TCAF1: variants seen among roughly 807,000 people sequenced by gnomAD.
TCAF1 encodes the protein TRPM8 channel associated factor 1, also known as TRPM8 channel-associated factor 1.
In TCAF1, 4 loss-of-function variants were observed where a neutral mutation model predicts 27.3. The observed-to-expected ratio is 0.15, with a 90% CI of 0.07 to 0.34. TCAF1 has a LOEUF of 0.34. TCAF1 is among the 10% of genes least tolerant of loss of function. TCAF1 has a pLI of 1.00. For missense variants in TCAF1, 257 were observed against 425.8 expected, an observed-to-expected ratio of 0.60 and a Z score of 3.49; for synonymous variants, 105 against 167.1, an observed-to-expected ratio of 0.63 and a Z score of 2.87.
chr7:143,883,275 G>A (rs944246823), intron 1 of TCAF1, among the ~76,000 whole-genome samples: 1 of 151,972 alleles, frequency 6.6e-6, no homozygotes, highest in African/African-American at 2.4e-5. Flanking sequence ...AACAAACCCC[G>A]TATATATTTG....
chr7:143,860,011 TAA>T lies in TCAF1; in HGVS notation c.2167+195_2167+196del, dbSNP rs1168537740. Among the ~76,000 whole-genome samples, 104 of 20,424 alleles carry T rather than the reference TAA, an allele frequency of 5.1e-3. 7 individuals are homozygous for T. The highest frequency in any genetic ancestry group is 0.011 in the African/African-American group (102 of 9,170). 13.4% of individuals were successfully genotyped at this position (20,424 alleles called of 152,430 possible). On this transcript the variant is annotated intron_variant, in intron 6 of 8. Transcript: ENST00000479870. ...TAATATATATTATATAATATATATA[TAA>T]TATATATTATATATTATATATATAA...
chr7:143,876,713 T>C (rs948083146), intron 1 of TCAF1, 91 bp from the exon 2 acceptor site: 4 of 1,019,638 alleles, frequency 3.9e-6, no homozygotes, highest in Non-Finnish European at 5.4e-6. Context: ...AGCTGGGCTA[T>C]TCTTCCCACT....
At chr7:143,880,856 C>T (rs1345289421) in intron 1 of TCAF1, among the ~76,000 whole-genome samples, 2 of 152,210 alleles carry the variant, frequency 1.3e-5, no homozygotes, top group East Asian at 3.8e-4. Context: ...TGCCCGAATC[C>T]ATGTTTGTCC....
At chr7:143,899,191 T>C (rs1038274922) in intron 1 of TCAF1, among the ~76,000 whole-genome samples, 6 of 152,238 alleles carry the variant, frequency 3.9e-5, no homozygotes, top group African/African-American at 1.4e-4. Flanking sequence ...TTTCTTGTTT[T>C]GGAGAACTTG....
chr7:143,861,976 GTGAACTGGGCAAT>G (rs1465196641), intron 4 of TCAF1, among the ~76,000 whole-genome samples: 1 of 122,716 alleles, frequency 8.1e-6, no homozygotes, highest in African/African-American at 3.2e-5. Context: ...CAGAGGGAAG[GTGAACTGGGCAAT>G]TGAGGAATGG....
At chr7:143,898,776 G>A (rs994155904) in intron 1 of TCAF1, among the ~76,000 whole-genome samples, 1 of 152,168 alleles carries the variant, frequency 6.6e-6, no homozygotes, top group African/African-American at 2.4e-5. Flanking sequence ...TGGTTTGAAT[G>A]TGTCCCTCAA....
At chr7:143,885,170 C>T (rs1195582708) in intron 1 of TCAF1, 8 of 985,572 alleles carry the variant, frequency 8.1e-6, no homozygotes, top group Non-Finnish European at 9.6e-6. Flanking sequence ...TGTGCCCGGG[C>T]CTGGTCTGGT....
At chr7:143,880,987 T>C (rs894264712) in intron 1 of TCAF1, among the ~76,000 whole-genome samples, 2 of 152,200 alleles carry the variant, frequency 1.3e-5, no homozygotes, top group Admixed American at 6.5e-5. Flanking sequence ...CCCTTTTAGC[T>C]TGCTGGAACC....
In TCAF1 at chr7:143,882,961, G is replaced by T. The variant is rs1252407017; in HGVS notation, c.-14-6339C>A. 51 of 786,198 alleles carry T rather than the reference G, an allele frequency of 6.5e-5. 1 individual carries two copies. The highest frequency in any genetic ancestry group is 7.6e-5 in the Non-Finnish European group (49 of 647,972). The allele number at this position is 786,198 out of a possible 1,614,324, so 48.7% of individuals were successfully genotyped here. A position where few individuals can be genotyped will look rare whatever the true frequency, so the allele number is the denominator to read the frequency against. On this transcript the variant is annotated intron_variant, in intron 1 of 8. Coordinates refer to ENST00000479870, the MANE Select transcript of TCAF1 (RefSeq NM_014719.3). ...TGGGAGCTCCAGGGGGCGGCGCTTG[G>T]CGGGGGACAGCGCTTCTTTGTGTCG...
intron 1 of TCAF1, among the ~76,000 whole-genome samples, chr7:143,897,568 G>A (rs544620921): frequency 3.8e-4 from 58 of 152,042 alleles, no homozygotes; most frequent in Non-Finnish European, 5.2e-4. Context: ...TCAGTATCCC[G>A]ACTGCTCCAT....
intron 1 of TCAF1, among the ~76,000 whole-genome samples, chr7:143,895,020 A>G (rs1231965909): frequency 6.7e-6 from 1 of 148,372 alleles, no homozygotes; most frequent in Non-Finnish European, 1.5e-5. Context: ...AATTAAAACC[A>G]TAATAAGATA....
chr7:143,894,506 T>C (rs1813786608), intron 1 of TCAF1, among the ~76,000 whole-genome samples: 1 of 151,788 alleles, frequency 6.6e-6, no homozygotes, highest in South Asian at 2.1e-4. Context: ...TCTTGATTGA[T>C]TAGATGTCTA....
At position 143,884,403 on chromosome 7, in the gene TCAF1, G is replaced by T. The variant is rs2116826068; in HGVS notation, c.-14-7781C>A. Among the ~76,000 whole-genome samples the T allele has an allele frequency of 2.0e-5, 3 of 152,240 alleles. No homozygotes were observed. The Middle Eastern group carries it at 0.01, about 518-fold the overall frequency. ...AGAAATCAAGAGAACCTGAATTCAA[G>T]ATTCTGCCAAGTCAAGGCCCACCTG... On this transcript the variant is annotated intron_variant, in intron 1 of 8. Transcript: ENST00000479870.
At chr7:143,898,406 C>T (rs1358036218) in intron 1 of TCAF1, among the ~76,000 whole-genome samples, 4 of 152,012 alleles carry the variant, frequency 2.6e-5, no homozygotes, top group Non-Finnish European at 2.9e-5. Flanking sequence ...ACAAAATTAT[C>T]ATTATTTTCG....
chr7:143,875,988 C>T lies in TCAF1; in HGVS notation c.620+1G>A. On this transcript the variant is annotated splice_donor_variant, in intron 2 of 8. Transcript: ENST00000479870. LOFTEE classifies it high-confidence loss of function. ...ACTCCCCAGTGGGGTAACATACTCA[C>T]CTAACCAACACTGGGATCTTGGGCA... 3.2e-6 allele frequency: 5 copies of T among 1,547,106 alleles called. No homozygotes were observed. Among genetic ancestry groups the T allele is most frequent in the Non-Finnish European group, 4.4e-6 (5 of 1,146,208 alleles).
intron 1 of TCAF1, among the ~76,000 whole-genome samples, chr7:143,886,775 G>A (rs902024424): frequency 7.5e-6 from 1 of 133,922 alleles, no homozygotes; most frequent in Admixed American, 8.2e-5. Context: ...CTGCAACCTC[G>A]AACTCCTGGG....
At chr7:143,884,552 C>A (rs1813289886) in intron 1 of TCAF1, among the ~76,000 whole-genome samples, 1 of 151,996 alleles carries the variant, frequency 6.6e-6, no homozygotes, top group East Asian at 1.9e-4. Context: ...AACAGCACCG[C>A]AAGTTAAAAC....
At chr7:143,892,286 T>C (rs1426789504) in intron 1 of TCAF1, among the ~76,000 whole-genome samples, 2 of 152,090 alleles carry the variant, frequency 1.3e-5, no homozygotes, top group Non-Finnish European at 2.9e-5. Flanking sequence ...AAGATGGAGA[T>C]AAACTTAAAA....
At chr7:143,873,353 AT>A (rs1443780273) in intron 2 of TCAF1, among the ~76,000 whole-genome samples, 2 of 95,106 alleles carry the variant, frequency 2.1e-5, no homozygotes, top group African/African-American at 4.1e-5. Flanking sequence ...TACATTTAAA[AT>A]TTTGTCTTTA....
Sources: allele counts gnomAD v4.1 joint callset (sites outside exome capture counted in the v4.1 genomes callset), GRCh38; gene constraint gnomAD v4.1.1; transcripts MANE v1.5; gene names NCBI Gene and HGNC (gene_info 2026-07-23, HGNC 2026-07-21).